N4BP3: variants seen among roughly 807,000 people sequenced by gnomAD.
N4BP3 encodes the protein NEDD4-binding protein 3.
N4BP3 carries 33 observed loss-of-function variants against 43.8 expected under a neutral mutation model. The ratio of observed to expected loss-of-function variants is 0.75; its 90% CI spans 0.57 to 1.01. N4BP3 has a LOEUF of 1.01. N4BP3 is among the 50% of genes least tolerant of loss of function. The pLI is 0.00. For synonymous variants in N4BP3, 326 were observed against 321.9 expected, an observed-to-expected ratio of 1.01 and a Z score of -0.14; for missense variants, 756 against 744.2, an observed-to-expected ratio of 1.02 and a Z score of -0.18.
Position 178,121,724 on chromosome 5 carries a change from T to A in N4BP3, c.1358T>A (p.Leu453Gln). The A allele has an allele frequency of 1.9e-6, 3 of 1,608,628 alleles. No homozygotes were observed. The highest frequency in any genetic ancestry group is 2.5e-6 in the Non-Finnish European group (3 of 1,179,772). ...GATGACTGCAAGAGCAGGGGCCTGC[T>A]AGGGGAGGCAGGAGGCAGCGAGGCC... The part of the protein sequence containing the change: ...ETDDCKSRGL[L>Q]GEAGGSEARD... Residue 453 changes from leucine (L) to glutamine (Q), a missense_variant, in exon 5 of 5, where the codon CTA (leucine) becomes CAA (glutamine). By Grantham distance (113) the Leu-to-Gln change is moderately radical. Transcript: ENST00000274605.
chr5:178,116,973 T>C (rs2113289009), intron 1 of N4BP3, among the ~76,000 whole-genome samples: 2 of 152,308 alleles, frequency 1.3e-5, no homozygotes, highest in Admixed American at 1.3e-4. Context: ...CACTTCATTT[T>C]TTTTTCCTTT....
In N4BP3 at chr5:178,121,625, T is replaced by C; in HGVS notation, c.1259T>C (p.Val420Ala). ...AQAQAQDAEL[V>A]RLREAVRSLQ... ...GCCCAGGCTCAGGACGCAGAGCTGG[T>C]CCGGCTGCGCGAGGCTGTGCGCAGC... The change falls in exon 5 of 5, where the codon GTC becomes GCC. Residue 420 changes from valine to alanine, a missense_variant. Transcript: ENST00000274605. 2 of 1,612,868 alleles carry C rather than the reference T, an allele frequency of 1.2e-6. No individual in the cohort carries two copies. The highest frequency in any genetic ancestry group is 1.7e-6 in the Non-Finnish European group (2 of 1,179,874).
Position 178,124,634 on chromosome 5 carries a change from G to A in N4BP3, c.*2633G>A, listed in dbSNP as rs1758012931. On this transcript the variant is annotated 3_prime_UTR_variant, in exon 5 of 5. Coordinates refer to ENST00000274605, the MANE Select transcript of N4BP3 (RefSeq NM_015111.2). ...CTGGTGCTGGGCTCCCTGCCTCTGGGGCCTCCAGTCCTTCACTCAGTGTCA... is the reference window on the plus strand; with the variant it reads ...CTGGTGCTGGGCTCCCTGCCTCTGGAGCCTCCAGTCCTTCACTCAGTGTCA... 6.5e-6 allele frequency: 1 copy of A among 153,224 alleles called. No homozygotes were observed. Among genetic ancestry groups the A allele is most frequent in the African/African-American group, 2.4e-5 (1 of 41,446 alleles). The allele number at this position is 153,224 out of a possible 1,614,324, so 9.5% of individuals were successfully genotyped here.
chr5:178,120,720 G>T (rs1259306593), intron 3 of N4BP3, 21 bp downstream of exon 3: 1 of 1,560,538 alleles, frequency 6.4e-7, no homozygotes, highest in Admixed American at 1.7e-5. Context: ...CCCTGCCCTG[G>T]AGTCCTGTTC....
intron 1 of N4BP3, among the ~76,000 whole-genome samples, chr5:178,117,788 T>G (rs1757807048): frequency 6.6e-6 from 1 of 151,320 alleles, no homozygotes; most frequent in Non-Finnish European, 1.5e-5. Context: ...GGGTGGGGTG[T>G]GCAAACCCGG....
Position 178,121,503 on chromosome 5 carries a change from C to T in N4BP3, c.1137C>T (p.Leu379=). 6.2e-7 allele frequency: 1 copy of T among 1,613,962 alleles called. No individual in the cohort carries two copies. Among genetic ancestry groups the T allele is most frequent in the South Asian group, 1.1e-5 (1 of 91,092 alleles). ...EVCQKTAEIS[L]LKQQLREAQA... ...GCCAGAAGACAGCAGAGATTAGCCTCTTGAAGCAGCAGCTGCGTGAAGCCC... is the reference window on the plus strand; with the variant it reads ...GCCAGAAGACAGCAGAGATTAGCCTTTTGAAGCAGCAGCTGCGTGAAGCCC... The change falls in exon 5 of 5, where the codon CTC becomes CTT. Residue 379 remains leucine, a synonymous_variant. Transcript: ENST00000274605.
At position 178,124,691 on chromosome 5, in the gene N4BP3, C is replaced by T. The variant is rs1220977034; in HGVS notation, c.*2690C>T. 6.5e-6 allele frequency: 1 copy of T among 152,892 alleles called. No individual in the cohort carries two copies. The highest frequency in any genetic ancestry group is 1.5e-5 in the Non-Finnish European group (1 of 68,600). 9.5% of individuals were successfully genotyped at this position (152,892 alleles called of 1,614,324 possible). A position where few individuals can be genotyped will look rare whatever the true frequency, so the allele number is the denominator to read the frequency against. Reference sequence around the variant, plus strand: ...CCAGCAGCTCCCTGGGCCTCTTGGTCCATCCCTTCAGGCTTCTGACACACT... The same window carrying T: ...CCAGCAGCTCCCTGGGCCTCTTGGTTCATCCCTTCAGGCTTCTGACACACT... On this transcript the variant is annotated 3_prime_UTR_variant, in exon 5 of 5. Coordinates refer to ENST00000274605, the MANE Select transcript of N4BP3 (RefSeq NM_015111.2).
At position 178,121,844 on chromosome 5, in the gene N4BP3, G is replaced by A. The variant is rs1169817712; in HGVS notation, c.1478G>A (p.Trp493Ter). ...CGCTTTGAGCAGGAGCGGCGGACTT[G>A]GCAGGAGGAGAAGGAGCGCGTGCTG... Reference protein sequence around the residue: ...ALRFEQERRTWQEEKERVLRY... With the variant: ...ALRFEQERRT The change falls in exon 5 of 5, where the codon TGG (tryptophan) becomes TAG (stop). Residue 493 changes from tryptophan to a stop codon, truncating the protein, a stop_gained. Transcript: ENST00000274605. LOFTEE classifies it high-confidence loss of function. The A allele has an allele frequency of 6.2e-7, 1 of 1,608,448 alleles. No individual in the cohort carries two copies. Among genetic ancestry groups the A allele is most frequent in the Non-Finnish European group, 8.5e-7 (1 of 1,178,714 alleles).
At chr5:178,116,827 A>C (rs1258881129) in intron 1 of N4BP3, among the ~76,000 whole-genome samples, 1 of 152,148 alleles carries the variant, frequency 6.6e-6, no homozygotes, top group Non-Finnish European at 1.5e-5. Flanking sequence ...ATTTGGGGTG[A>C]GGTGGGCGTA....
downstream of N4BP3, among the ~76,000 whole-genome samples, chr5:178,126,465 A>C (rs1758067593): frequency 6.6e-6 from 1 of 151,938 alleles, no homozygotes; most frequent in South Asian, 2.1e-4. Context: ...GGCGTGGGCC[A>C]CGGCGCTTGG....
Position 178,123,810 on chromosome 5 carries a change from C to T in N4BP3, c.*1809C>T, listed in dbSNP as rs749504377. 7.8e-5 allele frequency: 12 copies of T among 153,002 alleles called. No individual in the cohort carries two copies. The highest frequency in any genetic ancestry group is 1.6e-4 in the Non-Finnish European group (11 of 68,340). 9.5% of individuals were successfully genotyped at this position (153,002 alleles called of 1,614,324 possible). A position where few individuals can be genotyped will look rare whatever the true frequency, so the allele number is the denominator to read the frequency against. On this transcript the variant is annotated 3_prime_UTR_variant, in exon 5 of 5. Coordinates refer to ENST00000274605, the MANE Select transcript of N4BP3 (RefSeq NM_015111.2). ...CCCCTTCTTGGCCCCACCCTCTACC[C>T]CATTCCTTCCTGTCAGCCCCAGTCT...
rs1758007165 is a variant in N4BP3 at position 178,124,405 on chromosome 5, C to G, written c.*2404C>G. The G allele has an allele frequency of 6.6e-6, 1 of 152,544 alleles. No homozygotes were observed. The highest frequency in any genetic ancestry group is 1.5e-5 in the Non-Finnish European group (1 of 68,122). 9.4% of individuals were successfully genotyped at this position (152,544 alleles called of 1,614,324 possible). On this transcript the variant is annotated 3_prime_UTR_variant, in exon 5 of 5. Transcript: ENST00000274605. ...GCTGGACAAACCAGTTCCTGGGTCCCCCAGCCGGCTGGGTGGCTCTGGGGC... is the reference window on the plus strand; with the variant it reads ...GCTGGACAAACCAGTTCCTGGGTCCGCCAGCCGGCTGGGTGGCTCTGGGGC...
chr5:178,120,118 G>C, intron 2 of N4BP3, 60 bp from the exon 3 acceptor site: 1 of 1,519,332 alleles, frequency 6.6e-7, no homozygotes, highest in Non-Finnish European at 8.8e-7. Flanking sequence ...AGCATCAGGA[G>C]GTAGAGCAGG....
At position 178,118,053 on chromosome 5, in the gene N4BP3, G is replaced by A. The variant is rs553010944; in HGVS notation, c.-30-1501G>A. 6.6e-5 allele frequency among the ~76,000 whole-genome samples: 10 copies of A among 152,302 alleles called. No homozygotes were observed. The highest frequency in any genetic ancestry group is 6.2e-4 in the South Asian group (3 of 4,830). On this transcript the variant is annotated intron_variant, in intron 1 of 4. Transcript: ENST00000274605. The surrounding 1 kb of genome is among the most constrained non-coding windows in gnomAD (Gnocchi z 5.4). ...CAGCTGGCCTGCTGGGCTTCTGTTC[G>A]AGAATGGGAGCAGCTGCTCAGGGGT...
At chr5:178,120,822 CTGG>C in intron 3 of N4BP3, 123 bp downstream of exon 3, 1 of 1,337,952 alleles carries the variant, frequency 7.5e-7, no homozygotes, top group Non-Finnish European at 9.9e-7. Flanking sequence ...AAAGGGGGAG[CTGG>C]CTTGGCTTCC....
downstream of N4BP3, among the ~76,000 whole-genome samples, chr5:178,126,676 T>C (rs1758071618): frequency 6.6e-6 from 1 of 152,198 alleles, no homozygotes; most frequent in South Asian, 2.1e-4. Flanking sequence ...TGTTCTCTTT[T>C]GTTTCTAAGG....
At position 178,118,710 on chromosome 5, in the gene N4BP3, G is replaced by C. The variant is rs1052759215; in HGVS notation, c.-30-844G>C. Among the ~76,000 whole-genome samples, 1 of 142,130 alleles carries C rather than the reference G, an allele frequency of 7.0e-6. No homozygotes were observed. The highest frequency in any genetic ancestry group is 1.5e-5 in the Non-Finnish European group (1 of 64,560). The allele number at this position is 142,130 out of a possible 152,430, so 93.2% of individuals were successfully genotyped here. ...CCAGATGTTTCCCTTGGGGAGCTTT[G>C]CCCTTTGCAGGAAGAGGGCCTGCAG... On this transcript the variant is annotated intron_variant, in intron 1 of 4. Transcript: ENST00000274605. The surrounding 1 kb of genome is among the most constrained non-coding windows in gnomAD (Gnocchi z 5.4).
At chr5:178,116,606 T>C (rs1412163681) in intron 1 of N4BP3, among the ~76,000 whole-genome samples, 1 of 152,230 alleles carries the variant, frequency 6.6e-6, no homozygotes, top group African/African-American at 2.4e-5. Flanking sequence ...GTCTGCACCG[T>C]GTCCTCTAAC....
chr5:178,126,932 A>G (rs1422070974), downstream of N4BP3, among the ~76,000 whole-genome samples: 3 of 152,074 alleles, frequency 2.0e-5, no homozygotes, highest in Non-Finnish European at 4.4e-5. Flanking sequence ...TTGGAGCTCA[A>G]ATGCTATTTA....
Sources: gnomAD v4.1 joint callset for allele counts (sites outside exome capture counted in the v4.1 genomes callset) on GRCh38, gnomAD v4.1.1 for gene constraint, Gnocchi (gnomAD v3.1) non-coding constraint, MANE v1.5 for transcripts, NCBI Gene and HGNC (gene_info 2026-07-23, HGNC 2026-07-21) for gene names.